COG5: variants seen among roughly 807,000 people sequenced by gnomAD.
The protein encoded by COG5 is conserved oligomeric Golgi complex subunit 5.
A neutral mutation model predicts 110.4 loss-of-function variants in COG5; 86 were observed. The observed-to-expected ratio is 0.78, with a 90% CI of 0.65 to 0.93. The LOEUF is 0.93. COG5 is among the 40% of genes least tolerant of loss of function. The pLI, the probability that COG5 is intolerant of heterozygous loss-of-function variation, is 0.00. For synonymous variants in COG5, 360 were observed against 334.6 expected, an observed-to-expected ratio of 1.08 and a Z score of -0.83; for missense variants, 1,077 against 987.0, an observed-to-expected ratio of 1.09 and a Z score of -1.22.
At chr7:107,531,758 T>G (rs1801223852) in intron 5 of COG5, among the ~76,000 whole-genome samples, 1 of 151,686 alleles carries the variant, frequency 6.6e-6, no homozygotes, top group Non-Finnish European at 1.5e-5. Context: ...TTATTGATGC[T>G]CAAAGTGTTC....
At chr7:107,218,687 T>C (rs1799689964) in intron 19 of COG5, among the ~76,000 whole-genome samples, 1 of 151,920 alleles carries the variant, frequency 6.6e-6, no homozygotes, top group Non-Finnish European at 1.5e-5. Context: ...TCATACCATA[T>C]AAAAAATCAA....
At chr7:107,205,814 C>G (rs1798730506) in intron 21 of COG5, among the ~76,000 whole-genome samples, 1 of 151,778 alleles carries the variant, frequency 6.6e-6, no homozygotes, top group East Asian at 1.9e-4. Context: ...ACGATCTCAC[C>G]TCTGTATCAA....
intron 6 of COG5, among the ~76,000 whole-genome samples, chr7:107,456,854 A>T (rs955722603): frequency 1.3e-5 from 2 of 152,236 alleles, no homozygotes; most frequent in African/African-American, 4.8e-5. Flanking sequence ...AGCATTCAAT[A>T]TGGCTCTATG....
At chr7:107,275,828 C>T (rs1460229008) in intron 14 of COG5, among the ~76,000 whole-genome samples, 3 of 151,452 alleles carry the variant, frequency 2.0e-5, no homozygotes, top group East Asian at 1.9e-4. Context: ...CTGGCCAATA[C>T]TTTTAGAACT....
intron 5 of COG5, among the ~76,000 whole-genome samples, chr7:107,547,603 T>C (rs140503427): frequency 3.9e-5 from 6 of 152,146 alleles, no homozygotes; most frequent in African/African-American, 1.4e-4. Context: ...GACAGCATGA[T>C]CCTTTAGACA....
At chr7:107,335,272 C>G (rs970236517) in intron 10 of COG5, among the ~76,000 whole-genome samples, 3 of 152,134 alleles carry the variant, frequency 2.0e-5, no homozygotes, top group African/African-American at 7.2e-5. Context: ...CACCTGTAAT[C>G]CCAGCTACTC....
intron 6 of COG5, among the ~76,000 whole-genome samples, chr7:107,482,489 C>T (rs560592773): frequency 4.6e-5 from 7 of 151,982 alleles, no homozygotes; most frequent in South Asian, 4.2e-4. Context: ...TGTGTGCTGA[C>T]GTTTAACAAT....
chr7:107,220,706 G>A (rs920422957), intron 19 of COG5, among the ~76,000 whole-genome samples: 9 of 152,016 alleles, frequency 5.9e-5, no homozygotes, highest in African/African-American at 1.9e-4. Context: ...GGGAAAAAGT[G>A]TAATAAGAAG....
chr7:107,228,011 C>A (rs576580885), intron 19 of COG5, among the ~76,000 whole-genome samples: 5 of 152,198 alleles, frequency 3.3e-5, no homozygotes, highest in African/African-American at 1.2e-4. Flanking sequence ...ATAGCCTAGG[C>A]CAGGTGTGGT....
chr7:107,357,014 T>C (rs1015530775), intron 10 of COG5, among the ~76,000 whole-genome samples: 2 of 152,306 alleles, frequency 1.3e-5, no homozygotes, highest in Admixed American at 6.5e-5. Context: ...AGATATATCG[T>C]TGTCTACTCA....
chr7:107,503,509 T>C (rs919205490), intron 6 of COG5, among the ~76,000 whole-genome samples: 1 of 152,164 alleles, frequency 6.6e-6, no homozygotes, highest in African/African-American at 2.4e-5. Flanking sequence ...CAAATGAATT[T>C]TAGGATTTTT....
intron 17 of COG5, among the ~76,000 whole-genome samples, chr7:107,245,379 G>A (rs1801975659): frequency 6.6e-6 from 1 of 152,164 alleles, no homozygotes; most frequent in Non-Finnish European, 1.5e-5. Flanking sequence ...CCAGGCAAGA[G>A]GAAGAAATAA....
intron 1 of COG5, among the ~76,000 whole-genome samples, chr7:107,562,491 A>C (rs1803920280): frequency 6.6e-6 from 1 of 152,164 alleles, no homozygotes; most frequent in South Asian, 2.1e-4. Context: ...CTGCTATCTT[A>C]CATCACTATA....
intron 5 of COG5, among the ~76,000 whole-genome samples, chr7:107,534,645 T>G (rs1413512835): frequency 6.6e-6 from 1 of 151,464 alleles, no homozygotes; most frequent in Admixed American, 6.6e-5. Flanking sequence ...ATGCACGCAA[T>G]ACAGGACCAC....
chr7:107,481,539 G>A (rs752026876), intron 6 of COG5, among the ~76,000 whole-genome samples: 5 of 151,904 alleles, frequency 3.3e-5, no homozygotes, highest in Admixed American at 6.6e-5. Flanking sequence ...AATCCCATAC[G>A]TCATATACTA....
rs202003991 is a variant in COG5, at chr7:107,345,272, C to CA, written c.1026+16760dup. 4.7e-3 allele frequency among the ~76,000 whole-genome samples: 709 copies of CA among 151,924 alleles called. 1 individual carries two copies. Among genetic ancestry groups the CA allele is most frequent in the Admixed American group, 6.9e-3 (105 of 15,250 alleles). The stretch of plus-strand genomic sequence containing the variant: ...CTGATCACCTTAACAGATAAAATAA[C>CA]AAAAAAATTTGAAATATTGCGACAA... On this transcript the variant is annotated intron_variant, in intron 10 of 21. Transcript: ENST00000297135.
chr7:107,398,105 G>T (rs1322161438), intron 7 of COG5, among the ~76,000 whole-genome samples: 1 of 151,902 alleles, frequency 6.6e-6, no homozygotes, highest in Non-Finnish European at 1.5e-5. Context: ...ATATACAAAA[G>T]AAAACATGGA....
At chr7:107,393,573 C>CT (rs755399918) in intron 7 of COG5, among the ~76,000 whole-genome samples, 2 of 152,154 alleles carry the variant, frequency 1.3e-5, no homozygotes, top group Non-Finnish European at 2.9e-5. Flanking sequence ...CCCACAGCTG[C>CT]TTGGTGGCAG....
chr7:107,263,407 T>C (rs1326582557), intron 14 of COG5, among the ~76,000 whole-genome samples: 4 of 152,192 alleles, frequency 2.6e-5, no homozygotes, highest in African/African-American at 9.7e-5. Context: ...GCACTGAGAA[T>C]GAGGGAACTA....
Sources: gnomAD v4.1 joint callset for allele counts (sites outside exome capture counted in the v4.1 genomes callset) on GRCh38, gnomAD v4.1.1 for gene constraint, MANE v1.5 for transcripts, NCBI Gene and HGNC (gene_info 2026-07-23, HGNC 2026-07-21) for gene names.